GRID1: variants seen among roughly 807,000 people sequenced by gnomAD.
GRID1 encodes the protein glutamate receptor ionotropic, delta-1.
GRID1 carries 28 observed loss-of-function variants against 98.0 expected under a neutral mutation model. The ratio of observed to expected loss-of-function variants is 0.29; its 90% CI spans 0.21 to 0.39. The LOEUF is 0.39. Among genes scored for constraint, GRID1 ranks in the 10% least tolerant of loss-of-function variants. GRID1 has a pLI of 1.00. For synonymous variants in GRID1, 553 were observed against 538.5 expected (o/e 1.03, Z -0.37); for missense variants, 1,111 against 1,340.5 (o/e 0.83, Z 2.67).
chr10:85,697,995 C>T (rs1367228704), intron 12 of GRID1, among the ~76,000 whole-genome samples: 3 of 151,886 alleles, frequency 2.0e-5, no homozygotes, highest in Admixed American at 6.6e-5. Flanking sequence ...TGTCTATGTC[C>T]GAAGTTACTA....
At chr10:85,936,198 T>G (rs1457545168) in intron 4 of GRID1, among the ~76,000 whole-genome samples, 1 of 152,196 alleles carries the variant, frequency 6.6e-6, no homozygotes, top group Non-Finnish European at 1.5e-5. Context: ...AAAAATTAGA[T>G]GGAAGTTAGC....
At chr10:86,000,634 T>G (rs1483957876) in intron 4 of GRID1, among the ~76,000 whole-genome samples, 1 of 152,134 alleles carries the variant, frequency 6.6e-6, no homozygotes, top group Non-Finnish European at 1.5e-5. Context: ...ATATAGCCAA[T>G]TGGTTTTAAC....
intron 2 of GRID1, among the ~76,000 whole-genome samples, chr10:86,350,997 T>A (rs904623751): frequency 6.6e-6 from 1 of 152,214 alleles, no homozygotes; most frequent in African/African-American, 2.4e-5. Context: ...TCTACTTCTA[T>A]GAGTTCAATG....
At chr10:86,318,921 C>T (rs1167214059) in intron 2 of GRID1, among the ~76,000 whole-genome samples, 1 of 152,150 alleles carries the variant, frequency 6.6e-6, no homozygotes, top group Non-Finnish European at 1.5e-5. Context: ...AGGTGAGAAG[C>T]TCTATGGAAA....
chr10:86,159,764 C>T (rs987743177), intron 3 of GRID1, among the ~76,000 whole-genome samples: 28 of 152,314 alleles, frequency 1.8e-4, no homozygotes, highest in African/African-American at 6.3e-4. Context: ...CCCTTACCAA[C>T]CATTTGGCAA....
At chr10:85,881,576 GA>G (rs1841015565) in intron 5 of GRID1, among the ~76,000 whole-genome samples, 1 of 152,160 alleles carries the variant, frequency 6.6e-6, no homozygotes, top group African/African-American at 2.4e-5. Flanking sequence ...GCCATATGTA[GA>G]AAGCTGAAAC....
At chr10:86,300,846 AG>A (rs1395713583) in intron 2 of GRID1, among the ~76,000 whole-genome samples, 3 of 152,180 alleles carry the variant, frequency 2.0e-5, no homozygotes, top group Non-Finnish European at 2.9e-5. Context: ...CCTAGAGTCC[AG>A]GGTGCAGTCC....
At chr10:85,660,696 G>A (rs972731034) in intron 12 of GRID1, among the ~76,000 whole-genome samples, 1 of 152,050 alleles carries the variant, frequency 6.6e-6, no homozygotes, top group Non-Finnish European at 1.5e-5. Context: ...GGAAACAAGG[G>A]AAGCAACACA....
chr10:85,611,633 T>C (rs754321718), intron 15 of GRID1, among the ~76,000 whole-genome samples: 5 of 152,154 alleles, frequency 3.3e-5, no homozygotes, highest in Non-Finnish European at 5.9e-5. Context: ...TTCTCATCCT[T>C]CTTGGTTCTA....
intron 5 of GRID1, among the ~76,000 whole-genome samples, chr10:85,893,117 G>A (rs1031452518): frequency 2.0e-5 from 3 of 151,768 alleles, no homozygotes; most frequent in Admixed American, 6.6e-5. Flanking sequence ...CACCCTAACA[G>A]AATAAAAAAG....
intron 1 of GRID1, among the ~76,000 whole-genome samples, chr10:86,364,537 G>A (rs1848648051): frequency 8.5e-6 from 1 of 117,764 alleles, no homozygotes; most frequent in Admixed American, 7.2e-5. Flanking sequence ...CAAATCCCAG[G>A]ACAGAATGAT....
intron 5 of GRID1, among the ~76,000 whole-genome samples, chr10:85,904,475 A>T (rs1229179703): frequency 3.3e-5 from 5 of 152,180 alleles, no homozygotes; most frequent in South Asian, 2.1e-4. Context: ...TGCAGGAAAG[A>T]CTACTAGAGA....
intron 3 of GRID1, among the ~76,000 whole-genome samples, chr10:86,172,257 T>C (rs1352109630): frequency 6.6e-6 from 1 of 152,206 alleles, no homozygotes; most frequent in Non-Finnish European, 1.5e-5. Context: ...ATACAATATG[T>C]GGTCTTTAGT....
At chr10:86,313,613 T>C (rs1377474132) in intron 2 of GRID1, among the ~76,000 whole-genome samples, 1 of 152,198 alleles carries the variant, frequency 6.6e-6, no homozygotes, top group Non-Finnish European at 1.5e-5. Context: ...CAGTAGGTCC[T>C]TGGCACAAGA....
At chr10:86,279,944 C>T (rs1451377352) in intron 2 of GRID1, among the ~76,000 whole-genome samples, 1 of 152,178 alleles carries the variant, frequency 6.6e-6, no homozygotes, top group Non-Finnish European at 1.5e-5. Context: ...CAGCTCATGC[C>T]TCTAATCTCA....
At chr10:85,694,588 A>G (rs1564562145) in intron 12 of GRID1, among the ~76,000 whole-genome samples, 1 of 91,334 alleles carries the variant, frequency 1.1e-5, no homozygotes, top group South Asian at 4.0e-4. Context: ...ATATATATAT[A>G]TATATATATA....
chr10:86,057,171 G>A (rs1843586748), intron 4 of GRID1, among the ~76,000 whole-genome samples: 1 of 152,156 alleles, frequency 6.6e-6, no homozygotes, highest in Non-Finnish European at 1.5e-5. Context: ...ATCCTGGCTT[G>A]GAGAGAGAGA....
At chr10:85,926,676 G>T (rs770314086) in intron 4 of GRID1, among the ~76,000 whole-genome samples, 3 of 152,098 alleles carry the variant, frequency 2.0e-5, no homozygotes, top group African/African-American at 7.2e-5. Context: ...ACCTGAAAAG[G>T]CCCCACCCAC....
intron 4 of GRID1, among the ~76,000 whole-genome samples, chr10:86,074,401 A>G (rs1843851024): frequency 6.6e-6 from 1 of 152,216 alleles, no homozygotes; most frequent in Non-Finnish European, 1.5e-5. Context: ...ATTCCCACAT[A>G]TAAATGAGAA....
Sources: gnomAD v4.1 joint callset for allele counts (sites outside exome capture counted in the v4.1 genomes callset) on GRCh38, gnomAD v4.1.1 for gene constraint, MANE v1.5 for transcripts, NCBI Gene and HGNC (gene_info 2026-07-23, HGNC 2026-07-21) for gene names.